NLK: variants seen among roughly 807,000 people sequenced by gnomAD.
The protein encoded by NLK is nemo like kinase, also known as serine/threonine-protein kinase NLK.
In NLK, 11 loss-of-function variants were observed where a neutral mutation model predicts 59.0. The ratio of observed to expected loss-of-function variants is 0.19; its 90% CI spans 0.12 to 0.31. The LOEUF (loss-of-function observed/expected upper bound fraction) is 0.31, where lower values mean the gene tolerates loss of function less well. Ranked by LOEUF, NLK falls within the 10% of genes least tolerant of loss-of-function variation. NLK has a pLI of 1.00. For missense variants in NLK, 410 were observed against 661.1 expected, an observed-to-expected ratio of 0.62 and a Z score of 4.16; for synonymous variants, 235 against 235.9, an observed-to-expected ratio of 1.00 and a Z score of 0.03.
At chr17:28,164,481 G>A (rs780334562) in intron 5 of NLK, among the ~76,000 whole-genome samples, 16 of 151,990 alleles carry the variant, frequency 1.1e-4, no homozygotes, top group Non-Finnish European at 1.9e-4. Flanking sequence ...CCTCTGAAGA[G>A]GAATTGATTA....
intron 3 of NLK, among the ~76,000 whole-genome samples, chr17:28,135,849 G>A (rs979783163): frequency 6.6e-6 from 1 of 152,176 alleles, no homozygotes; most frequent in African/African-American, 2.4e-5. Context: ...TGAAAACTGT[G>A]TATGTGCTTC....
intron 1 of NLK, among the ~76,000 whole-genome samples, chr17:28,082,988 G>A (rs1910398892): frequency 6.6e-6 from 1 of 152,182 alleles, no homozygotes; most frequent in African/African-American, 2.4e-5. Flanking sequence ...ACTGTATGCA[G>A]AGGACTGTCT....
rs371877228 is a variant in NLK, at chr17:28,181,550, T to C, written c.1150-3629T>C. Among the ~76,000 whole-genome samples the C allele has an allele frequency of 3.4e-5, 5 of 145,118 alleles. No individual in the cohort carries two copies. The South Asian group carries it at 6.5e-4, about 19-fold the overall frequency. On this transcript the variant is annotated intron_variant, in intron 7 of 10. Transcript: ENST00000407008. ...TGCCACTACACTTCAGCCTGGGCAA[T>C]AGAGCAAGACTCTGTCTCTTAAAAA...
intron 1 of NLK, among the ~76,000 whole-genome samples, chr17:28,074,904 G>A (rs1889408914): frequency 1.3e-5 from 2 of 152,248 alleles, no homozygotes; most frequent in South Asian, 4.2e-4. Context: ...GTTGGGAGGT[G>A]GACACCAAGC....
rs34411493 is a variant in NLK at position 28,179,872 on chromosome 17, G to GTTTTTTTTTTT, written c.1150-5292_1150-5282dup. Among the ~76,000 whole-genome samples the GTTTTTTTTTTT allele has an allele frequency of 1.4e-3, 113 of 79,434 alleles. 1 individual carries two copies. Among genetic ancestry groups the GTTTTTTTTTTT allele is most frequent in the African/African-American group, 1.6e-3 (31 of 19,928 alleles). The allele number at this position is 79,434 out of a possible 152,430, so 52.1% of individuals were successfully genotyped here. A position where few individuals can be genotyped will look rare whatever the true frequency, so the allele number is the denominator to read the frequency against. On this transcript the variant is annotated intron_variant, in intron 7 of 10. Coordinates refer to ENST00000407008, the MANE Select transcript of NLK (RefSeq NM_016231.5). ...TAGGGCATATTTCTAAGCATTCTTGGTTTTTTTTTTTTTTTTTTTTTTTTT... is the reference window on the plus strand; with the variant it reads ...TAGGGCATATTTCTAAGCATTCTTGGTTTTTTTTTTTTTTTTTTTTTTTTTTTTTTTTTTTT...
intron 1 of NLK, among the ~76,000 whole-genome samples, chr17:28,103,750 A>G (rs538286692): frequency 7.2e-5 from 11 of 152,328 alleles, no homozygotes; most frequent in African/African-American, 2.4e-4. Context: ...TGAAAACGTA[A>G]GAGATAGTGC....
chr17:28,121,495 C>CTTTTTTTTTTTTTTT (rs58647578), intron 1 of NLK, among the ~76,000 whole-genome samples: 5 of 72,290 alleles, frequency 6.9e-5, no homozygotes, highest in South Asian at 6.9e-4. Flanking sequence ...TCTTTCTTTT[C>CTTTTTTTTTTTTTTT]TTTTTTTTTT....
At chr17:28,139,851 G>A (rs774015013) in intron 3 of NLK, among the ~76,000 whole-genome samples, 2 of 152,148 alleles carry the variant, frequency 1.3e-5, no homozygotes, top group Non-Finnish European at 2.9e-5. Context: ...TTCCCTGAAG[G>A]AAGATACTAC....
chr17:28,074,585 C>T (rs1005776957), intron 1 of NLK, among the ~76,000 whole-genome samples: 1 of 152,054 alleles, frequency 6.6e-6, no homozygotes, highest in African/African-American at 2.4e-5. Flanking sequence ...ATAATTATTT[C>T]GTGGCCATTA....
At chr17:28,063,511 A>C (rs1909735458) in intron 1 of NLK, among the ~76,000 whole-genome samples, 1 of 152,166 alleles carries the variant, frequency 6.6e-6, no homozygotes, top group East Asian at 1.9e-4. Context: ...ACTGTTTTGT[A>C]AAAAGTATTC....
At chr17:28,097,375 C>A (rs1230743402) in intron 1 of NLK, among the ~76,000 whole-genome samples, 1 of 152,014 alleles carries the variant, frequency 6.6e-6, no homozygotes, top group East Asian at 1.9e-4. Context: ...AACTTGGTTT[C>A]TTTGACTTGG....
At chr17:28,181,123 G>A (rs1207775017) in intron 7 of NLK, among the ~76,000 whole-genome samples, 1 of 152,068 alleles carries the variant, frequency 6.6e-6, no homozygotes, top group Non-Finnish European at 1.5e-5. Context: ...GTGAGGGTGG[G>A]TGCGGTGGCT....
intron 4 of NLK, among the ~76,000 whole-genome samples, chr17:28,161,496 A>G (rs919932341): frequency 6.6e-6 from 1 of 152,240 alleles, no homozygotes; most frequent in Non-Finnish European, 1.5e-5. Context: ...TGTCAAATTC[A>G]TTAGGCAGTT....
At chr17:28,155,622 C>T (rs1205311186) in intron 3 of NLK, among the ~76,000 whole-genome samples, 2 of 152,172 alleles carry the variant, frequency 1.3e-5, no homozygotes, top group Non-Finnish European at 2.9e-5. Context: ...GAGTTCATGT[C>T]CTTTGCAGGG....
rs1365985502 is a variant in NLK at position 28,043,019 on chromosome 17, C to T, written c.146C>T (p.Pro49Leu). The T allele has an allele frequency of 6.4e-7, 1 of 1,556,264 alleles. No individual in the cohort carries two copies. The highest frequency in any genetic ancestry group is 8.7e-7 in the Non-Finnish European group (1 of 1,149,350). The change falls in exon 1 of 11, where the codon CCT becomes CTT. Residue 49 changes from proline (P) to leucine (L), a missense_variant. Around this residue, in one of 5 missense-constraint regions of NLK, gnomAD observed 160 missense variants for 171.0 expected, o/e 0.94. Coordinates refer to ENST00000407008, the MANE Select transcript of NLK (RefSeq NM_016231.5). ...CCTCACCTGCACCACCACCACCACC[C>T]TCAACACCATCTTCATCCGGGGTCG... ...PPPHLHHHHH[P>L]QHHLHPGSAA...
intron 1 of NLK, among the ~76,000 whole-genome samples, chr17:28,119,746 A>G (rs903744529): frequency 5.3e-5 from 8 of 152,228 alleles, no homozygotes; most frequent in Non-Finnish European, 1.2e-4. Context: ...TAGTAACTTT[A>G]TAGTGGAGAA....
intron 2 of NLK, among the ~76,000 whole-genome samples, chr17:28,125,040 T>C (rs1018146676): frequency 9.2e-5 from 14 of 151,748 alleles, no homozygotes; most frequent in Admixed American, 6.6e-4. Context: ...GAGCAAGATA[T>C]CACCTCAAAA....
In NLK at chr17:28,088,361, T is replaced by G. The variant is rs549083000; in HGVS notation, c.459-34242T>G. Among the ~76,000 whole-genome samples the G allele has an allele frequency of 1.1e-4, 16 of 152,342 alleles. No homozygotes were observed. The East Asian group carries it at 1.2e-3, about 11-fold the overall frequency. On this transcript the variant is annotated intron_variant, in intron 1 of 10. Transcript: ENST00000407008. ...GTTAAGGTTTGCAAAATGGTAATAA[T>G]CTAATTCTACCAGGTCTTCTGTATT...
chr17:28,159,370 G>A (rs556703213), intron 3 of NLK, among the ~76,000 whole-genome samples: 85 of 152,302 alleles, frequency 5.6e-4, no homozygotes, highest in African/African-American at 1.9e-3. Flanking sequence ...GATGGAAAGA[G>A]CAATGGATAG....
Sources: allele counts gnomAD v4.1 joint callset (sites outside exome capture counted in the v4.1 genomes callset), GRCh38; gene constraint gnomAD v4.1.1; regional missense constraint gnomAD v4.1.1; transcripts MANE v1.5; gene names NCBI Gene and HGNC (gene_info 2026-07-23, HGNC 2026-07-21).